Variants in TIFA observed in about 807,000 individuals in gnomAD.
The protein encoded by TIFA is TRAF-interacting protein with FHA domain-containing protein A.
For missense variants in TIFA, 186 were observed against 215.2 expected, an observed-to-expected ratio of 0.86 and a Z score of 0.85; for synonymous variants, 75 against 79.2, an observed-to-expected ratio of 0.95 and a Z score of 0.28.
Position 112,278,088 on chromosome 4 carries a change from TC to T in TIFA, c.328del (p.Asp110ThrfsTer16), listed in dbSNP as rs1482697078. The part of the protein sequence containing the change: ...SRELGYLNKM[D>X]LPYRCMVRFG... ...TCTGACCATGCACCTGTATGGCAGG[TC>T]CATTTTATTTAGGTAGCCCAGCTCT... On this transcript the variant is annotated frameshift_variant, in exon 2 of 2. Coordinates refer to ENST00000361717, the MANE Select transcript of TIFA (RefSeq NM_052864.3). LOFTEE classifies it low-confidence loss of function (END_TRUNC). The T allele has an allele frequency of 1.4e-5, 23 of 1,603,992 alleles. No individual in the cohort carries two copies. Among genetic ancestry groups the T allele is most frequent in the Non-Finnish European group, 1.8e-5 (21 of 1,176,192 alleles).
chr4:112,283,887 G>A (rs1466821145), intron 1 of TIFA, among the ~76,000 whole-genome samples: 1 of 152,146 alleles, frequency 6.6e-6, no homozygotes, highest in African/African-American at 2.4e-5. Context: ...GATTTTTATG[G>A]AATTGACAGT....
chr4:112,284,185 G>C (rs563285830), intron 1 of TIFA, among the ~76,000 whole-genome samples: 5 of 152,014 alleles, frequency 3.3e-5, no homozygotes, highest in Non-Finnish European at 7.4e-5. Flanking sequence ...GAGTTAGATC[G>C]AGGGCAAGGC....
intron 1 of TIFA, 180 bp downstream of exon 1, chr4:112,285,460 C>T (rs559707922): frequency 6.6e-6 from 1 of 152,154 alleles, no homozygotes. Context: ...GAGGTGCTGT[C>T]TATAATTTTT....
At chr4:112,280,968 G>C (rs77824088) in intron 1 of TIFA, among the ~76,000 whole-genome samples, 1 of 152,142 alleles carries the variant, frequency 6.6e-6, no homozygotes, top group Non-Finnish European at 1.5e-5. Context: ...CACACAATGG[G>C]TAAAACTGGT....
At chr4:112,280,158 A>T (rs1727200358) in intron 1 of TIFA, among the ~76,000 whole-genome samples, 1 of 151,992 alleles carries the variant, frequency 6.6e-6, no homozygotes, top group South Asian at 2.1e-4. Flanking sequence ...GCTACCGGAC[A>T]CTGTCTGCTT....
chr4:112,279,989 A>T (rs1388619680), intron 1 of TIFA, among the ~76,000 whole-genome samples: 2 of 151,546 alleles, frequency 1.3e-5, no homozygotes, highest in African/African-American at 4.9e-5. Context: ...TTAATAATAC[A>T]TATGGGTGAT....
intron 1 of TIFA, among the ~76,000 whole-genome samples, chr4:112,279,112 T>G (rs1230149952): frequency 6.6e-6 from 1 of 152,258 alleles, no homozygotes; most frequent in Non-Finnish European, 1.5e-5. Context: ...TGGTTCTAAT[T>G]ATCACAGCCT....
In TIFA at chr4:112,275,769, A is replaced by T. The variant is rs916002017; in HGVS notation, c.*2093T>A. On this transcript the variant is annotated 3_prime_UTR_variant, in exon 2 of 2. Transcript: ENST00000361717. The stretch of plus-strand genomic sequence containing the variant: ...TTGGATTCAATAACAATAATACATG[A>T]ATCCCTTAATATTAAATTTATAACT... 7 of 152,216 alleles carry T rather than the reference A, an allele frequency of 4.6e-5. No individual in the cohort carries two copies. The highest frequency in any genetic ancestry group is 1.7e-4 in the African/African-American group (7 of 41,448). The allele number at this position is 152,216 out of a possible 1,614,324, so 9.4% of individuals were successfully genotyped here. A position where few individuals can be genotyped will look rare whatever the true frequency, so the allele number is the denominator to read the frequency against.
intron 1 of TIFA, among the ~76,000 whole-genome samples, chr4:112,282,056 A>G (rs1727238102): frequency 6.6e-6 from 1 of 152,180 alleles, no homozygotes; most frequent in South Asian, 2.1e-4. Flanking sequence ...ATAGGAGGTA[A>G]TTGAATCATG....
rs559709785 is a variant in TIFA, at chr4:112,277,420, T to C, written c.*442A>G. 19 of 157,966 alleles carry C rather than the reference T, an allele frequency of 1.2e-4. No individual in the cohort carries two copies. Among genetic ancestry groups the C allele is most frequent in the Admixed American group, 3.0e-4 (5 of 16,440 alleles). The allele number at this position is 157,966 out of a possible 1,614,324, so 9.8% of individuals were successfully genotyped here. ...GAACCTATTCCAGTACTGCAAGTAC[T>C]GACAGGCTGCAAACACCAGTAACAA... On this transcript the variant is annotated 3_prime_UTR_variant, in exon 2 of 2. Transcript: ENST00000361717.
At position 112,276,329 on chromosome 4, in the gene TIFA, A is replaced by C. The variant is rs1727112163; in HGVS notation, c.*1533T>G. ...GTCTGTCTCACACCTCATCACGCTG[A>C]CATCCTGATCTGCCTCTCTTCCACT... On this transcript the variant is annotated 3_prime_UTR_variant, in exon 2 of 2. Coordinates refer to ENST00000361717, the MANE Select transcript of TIFA (RefSeq NM_052864.3). 2 of 153,430 alleles carry C rather than the reference A, an allele frequency of 1.3e-5. No homozygotes were observed. Among genetic ancestry groups the C allele is most frequent in the South Asian group, 4.1e-4 (2 of 4,834 alleles). The allele number at this position is 153,430 out of a possible 1,614,324, so 9.5% of individuals were successfully genotyped here.
intron 1 of TIFA, among the ~76,000 whole-genome samples, chr4:112,284,303 A>T (rs1332469889): frequency 6.6e-6 from 1 of 151,934 alleles, no homozygotes; most frequent in Non-Finnish European, 1.5e-5. Flanking sequence ...ACACACACAC[A>T]CACACACACA....
intron 1 of TIFA, among the ~76,000 whole-genome samples, chr4:112,280,601 T>A (rs745648780): frequency 1.5e-4 from 23 of 152,140 alleles, no homozygotes; most frequent in Non-Finnish European, 2.9e-4. Context: ...CCACCCACCC[T>A]CGGTCTCTCA....
At chr4:112,284,894 CA>C (rs70958456) in intron 1 of TIFA, among the ~76,000 whole-genome samples, 123,743 of 136,496 alleles carry the variant, frequency 0.91, 56,128 homozygotes, top group South Asian at 0.97. Context: ...AACAAAGAAT[CA>C]AAAAAAAAAA....
At position 112,276,885 on chromosome 4, in the gene TIFA, C is replaced by A. The variant is rs2110504604; in HGVS notation, c.*977G>T. Reference sequence around the variant, plus strand: ...ATGGTTACCTCATCTACTTAACATTCATAGCTACCTTAGTTAAGATAAGTC... The same window carrying A: ...ATGGTTACCTCATCTACTTAACATTAATAGCTACCTTAGTTAAGATAAGTC... On this transcript the variant is annotated 3_prime_UTR_variant, in exon 2 of 2. Coordinates refer to ENST00000361717, the MANE Select transcript of TIFA (RefSeq NM_052864.3). 6.6e-6 allele frequency: 1 copy of A among 152,244 alleles called. No individual in the cohort carries two copies. Among genetic ancestry groups the A allele is most frequent in the African/African-American group, 2.4e-5 (1 of 41,552 alleles). The allele number at this position is 152,244 out of a possible 1,614,324, so 9.4% of individuals were successfully genotyped here. A position where few individuals can be genotyped will look rare whatever the true frequency, so the allele number is the denominator to read the frequency against.
At chr4:112,285,329 C>T (rs537667151) in intron 1 of TIFA, among the ~76,000 whole-genome samples, 8 of 152,016 alleles carry the variant, frequency 5.3e-5, no homozygotes, top group African/African-American at 1.9e-4. Context: ...GCATAAATGG[C>T]ATTCGTTTTT....
intron 1 of TIFA, among the ~76,000 whole-genome samples, chr4:112,283,932 A>T (rs760340409): frequency 1.3e-5 from 2 of 152,250 alleles, no homozygotes; most frequent in South Asian, 4.1e-4. Flanking sequence ...TAAAGGGGTA[A>T]ACTGTGATAT....
Position 112,277,897 on chromosome 4 carries a change from T to C in TIFA, c.520A>G (p.Ser174Gly), listed in dbSNP as rs1727149401. 3 of 1,600,042 alleles carry C rather than the reference T, an allele frequency of 1.9e-6. No homozygotes were observed. The highest frequency in any genetic ancestry group is 2.6e-6 in the Non-Finnish European group (3 of 1,175,782). The change falls in exon 2 of 2, where the codon AGT becomes GGT. Residue 174 changes from serine to glycine, a missense_variant. Ser to Gly is a moderately conservative substitution (Grantham distance 56). Coordinates refer to ENST00000361717, the MANE Select transcript of TIFA (RefSeq NM_052864.3). ...GTYSLCSSQS[S>G]SPTEMDENES The stretch of plus-strand genomic sequence containing the variant: ...TTTTCATCCATTTCTGTCGGAGAAC[T>C]GCTTTGGGAGGAGCAGAGCGAATAA...
chr4:112,282,115 A>G (rs10000700), intron 1 of TIFA, among the ~76,000 whole-genome samples: 89,082 of 151,962 alleles, frequency 0.59, 27,284 homozygotes, highest in African/African-American at 0.78. Flanking sequence ...TAAGTATCAC[A>G]AGATCTGATG....
Sources: gnomAD v4.1 joint callset for allele counts (sites outside exome capture counted in the v4.1 genomes callset) on GRCh38, gnomAD v4.1.1 for gene constraint, MANE v1.5 for transcripts, NCBI Gene and HGNC (gene_info 2026-07-23, HGNC 2026-07-21) for gene names.